GRID2: variants seen among roughly 807,000 people sequenced by gnomAD.
The protein encoded by GRID2 is glutamate ionotropic receptor delta type subunit 2, also known as glutamate receptor ionotropic, delta-2.
GRID2 carries 33 observed loss-of-function variants against 114.8 expected under a neutral mutation model. That is an observed-to-expected ratio of 0.29 (90% confidence interval 0.22 to 0.38). The LOEUF is 0.38. Ranked by LOEUF, GRID2 falls within the 10% of genes least tolerant of loss-of-function variation. The pLI, the probability that GRID2 is intolerant of heterozygous loss-of-function variation, is 1.00. For synonymous variants in GRID2, 505 were observed against 449.9 expected (o/e 1.12, Z -1.55); for missense variants, 1,184 against 1,257.7 (o/e 0.94, Z 0.89).
At chr4:93,424,262 G>A (rs752339279) in intron 10 of GRID2, among the ~76,000 whole-genome samples, 2 of 150,624 alleles carry the variant, frequency 1.3e-5, no homozygotes, top group East Asian at 1.9e-4. Context: ...CTTATCTACC[G>A]TGTCTGGGGC....
At chr4:93,449,839 A>G (rs1390312524) in intron 10 of GRID2, among the ~76,000 whole-genome samples, 4 of 152,014 alleles carry the variant, frequency 2.6e-5, no homozygotes, top group Non-Finnish European at 5.9e-5. Flanking sequence ...AATGGCTCAA[A>G]CATGGTAAAA....
chr4:92,759,183 C>T (rs1737868721), intron 2 of GRID2, among the ~76,000 whole-genome samples: 1 of 152,094 alleles, frequency 6.6e-6, no homozygotes, highest in Admixed American at 6.6e-5. Context: ...TCATTCCTTC[C>T]ATCTATTCAT....
chr4:93,025,167 G>A (rs1723770598), intron 2 of GRID2, among the ~76,000 whole-genome samples: 1 of 150,844 alleles, frequency 6.6e-6, no homozygotes, highest in African/African-American at 2.4e-5. Context: ...AGAGGAAGGG[G>A]GCTAGAAGGA....
At chr4:93,263,421 A>T (rs1012660942) in intron 8 of GRID2, among the ~76,000 whole-genome samples, 1 of 151,980 alleles carries the variant, frequency 6.6e-6, no homozygotes, top group African/African-American at 2.4e-5. Flanking sequence ...TTTTCAATCC[A>T]TCTGAGATTT....
At chr4:93,277,569 T>C (rs1021504099) in intron 8 of GRID2, among the ~76,000 whole-genome samples, 1 of 152,006 alleles carries the variant, frequency 6.6e-6, no homozygotes. Context: ...AATTTTAATA[T>C]ACAGTGATTA....
chr4:92,899,314 A>T lies in GRID2; in HGVS notation c.245-185681A>T, dbSNP rs545521224. On this transcript the variant is annotated intron_variant, in intron 2 of 15. Coordinates refer to ENST00000282020, the MANE Select transcript of GRID2 (RefSeq NM_001510.4). Reference sequence around the variant, plus strand: ...TATTTCTTTTTCAGTTTTCCGAAAAAATTTAGCTATATTATGTTTTTATTT... The same window carrying T: ...TATTTCTTTTTCAGTTTTCCGAAAATATTTAGCTATATTATGTTTTTATTT... Among the ~76,000 whole-genome samples the T allele has an allele frequency of 2.0e-5, 3 of 151,850 alleles. No individual in the cohort carries two copies. In the South Asian group the frequency reaches 6.3e-4, roughly 32 times the overall value.
chr4:93,443,986 GA>G (rs1441424241), intron 10 of GRID2, among the ~76,000 whole-genome samples: 1 of 151,836 alleles, frequency 6.6e-6, no homozygotes, highest in East Asian at 1.9e-4. Context: ...TAGGGAGACA[GA>G]AGACTACGAA....
At chr4:93,744,126 CAA>C (rs1295494817) in intron 14 of GRID2, among the ~76,000 whole-genome samples, 1 of 152,164 alleles carries the variant, frequency 6.6e-6, no homozygotes, top group East Asian at 1.9e-4. Context: ...AGATTCCTTT[CAA>C]AATATTACTG....
At chr4:93,644,837 A>G (rs1721963021) in intron 14 of GRID2, among the ~76,000 whole-genome samples, 1 of 152,160 alleles carries the variant, frequency 6.6e-6, no homozygotes, top group Non-Finnish European at 1.5e-5. Context: ...AGGGTTTAGT[A>G]AAGCCTAGCC....
intron 1 of GRID2, among the ~76,000 whole-genome samples, chr4:92,520,084 G>A (rs1724689863): frequency 1.3e-5 from 2 of 151,602 alleles, no homozygotes; most frequent in Non-Finnish European, 2.9e-5. Flanking sequence ...TGTCAACTTG[G>A]CACCCATATG....
chr4:93,477,451 G>A (rs1375597445), intron 11 of GRID2, among the ~76,000 whole-genome samples: 1 of 151,980 alleles, frequency 6.6e-6, no homozygotes, highest in Non-Finnish European at 1.5e-5. Flanking sequence ...ATGAATTAGT[G>A]GAAATTTCAA....
chr4:92,465,013 T>A (rs1291501610), intron 1 of GRID2, among the ~76,000 whole-genome samples: 1 of 152,112 alleles, frequency 6.6e-6, no homozygotes, highest in Non-Finnish European at 1.5e-5. Flanking sequence ...CTCTGCCATG[T>A]GAAGATGTGC....
intron 2 of GRID2, among the ~76,000 whole-genome samples, chr4:92,696,192 A>C (rs1213026917): frequency 6.6e-6 from 1 of 152,146 alleles, no homozygotes; most frequent in Non-Finnish European, 1.5e-5. Flanking sequence ...ACAGTCTAAG[A>C]TAAGGACACC....
At chr4:92,324,355 C>A (rs1310939619) in intron 1 of GRID2, among the ~76,000 whole-genome samples, 1 of 151,896 alleles carries the variant, frequency 6.6e-6, no homozygotes, top group East Asian at 1.9e-4. Flanking sequence ...CTCTTTTCTT[C>A]CCAGATTAAC....
chr4:92,561,821 G>C (rs780113070), intron 1 of GRID2, among the ~76,000 whole-genome samples: 1 of 152,078 alleles, frequency 6.6e-6, no homozygotes, highest in Non-Finnish European at 1.5e-5. Flanking sequence ...AATTTCATGA[G>C]TATATTCAAT....
intron 2 of GRID2, among the ~76,000 whole-genome samples, chr4:92,723,653 T>C (rs527807065): frequency 6.6e-6 from 1 of 152,272 alleles, no homozygotes; most frequent in South Asian, 2.1e-4. Flanking sequence ...AATTGCTGTT[T>C]CTTGCAGAAT....
At chr4:93,209,261 T>G (rs1482249492) in intron 5 of GRID2, among the ~76,000 whole-genome samples, 1 of 152,054 alleles carries the variant, frequency 6.6e-6, no homozygotes, top group South Asian at 2.1e-4. Flanking sequence ...CTCTCTTCCC[T>G]TCAGTAGACC....
chr4:93,074,727 A>G (rs1413740172), intron 2 of GRID2, among the ~76,000 whole-genome samples: 4 of 152,208 alleles, frequency 2.6e-5, no homozygotes, highest in Non-Finnish European at 5.9e-5. Flanking sequence ...GAAAATTAAT[A>G]AAAGTGATAA....
chr4:93,385,711 A>T (rs1187048756), intron 8 of GRID2, among the ~76,000 whole-genome samples: 1 of 143,928 alleles, frequency 6.9e-6, no homozygotes, highest in Non-Finnish European at 1.5e-5. Context: ...TGGTTTTCTG[A>T]TAATATAAAA....
Sources: gnomAD v4.1 joint callset for allele counts (sites outside exome capture counted in the v4.1 genomes callset) on GRCh38, gnomAD v4.1.1 for gene constraint, MANE v1.5 for transcripts, NCBI Gene and HGNC (gene_info 2026-07-23, HGNC 2026-07-21) for gene names.